Variants in PAK5 observed in about 807,000 individuals in gnomAD.
The protein encoded by PAK5 is serine/threonine-protein kinase PAK 5.
A neutral mutation model predicts 65.9 loss-of-function variants in PAK5; 16 were observed. The observed-to-expected ratio is 0.24, with a 90% CI of 0.16 to 0.37. The LOEUF (loss-of-function observed/expected upper bound fraction) is 0.37. Ranked by LOEUF, PAK5 falls within the 10% of genes least tolerant of loss-of-function variation. The pLI, the probability that PAK5 is intolerant of heterozygous loss-of-function variation, is 1.00. For synonymous variants in PAK5, 371 were observed against 354.9 expected, an observed-to-expected ratio of 1.05 and a Z score of -0.51; for missense variants, 785 against 903.9, an observed-to-expected ratio of 0.87 and a Z score of 1.69.
At chr20:9,687,154 G>GA (rs1370533978) in intron 2 of PAK5, among the ~76,000 whole-genome samples, 1 of 152,104 alleles carries the variant, frequency 6.6e-6, no homozygotes, top group Non-Finnish European at 1.5e-5. Flanking sequence ...GCTCAGGATG[G>GA]AAAAAAGAGG....
At chr20:9,780,602 C>CTATACTCATAGAAATATATATA (rs2035237070) in intron 1 of PAK5, among the ~76,000 whole-genome samples, 3 of 151,820 alleles carry the variant, frequency 2.0e-5, no homozygotes, top group Non-Finnish European at 4.4e-5. Context: ...TGTAAGATTT[C>CTATACTCATAGAAATATATATA]TATACTCATA....
At chr20:9,671,586 G>A (rs1190745249) in intron 2 of PAK5, among the ~76,000 whole-genome samples, 1 of 151,296 alleles carries the variant, frequency 6.6e-6, no homozygotes, top group Non-Finnish European at 1.5e-5. Flanking sequence ...GTCTGTTATT[G>A]GTGTATAAGA....
intron 3 of PAK5, among the ~76,000 whole-genome samples, chr20:9,596,850 C>T (rs559785791): frequency 1.0e-3 from 154 of 152,220 alleles, no homozygotes; most frequent in Admixed American, 1.9e-3. Context: ...GTATTAAACC[C>T]TACTTGGCAC....
intron 3 of PAK5, among the ~76,000 whole-genome samples, chr20:9,639,804 G>C (rs2047028177): frequency 1.3e-5 from 2 of 152,228 alleles, no homozygotes; most frequent in Non-Finnish European, 1.5e-5. Context: ...GATTGTCAGA[G>C]AGGAAAGGAT....
intron 3 of PAK5, among the ~76,000 whole-genome samples, chr20:9,609,240 C>T (rs1226077861): frequency 6.6e-6 from 1 of 152,170 alleles, no homozygotes; most frequent in African/African-American, 2.4e-5. Flanking sequence ...AATTTGCAAG[C>T]TGATGAGTTG....
chr20:9,767,928 A>G (rs1038578827), intron 1 of PAK5, among the ~76,000 whole-genome samples: 1 of 152,204 alleles, frequency 6.6e-6, no homozygotes, highest in Non-Finnish European at 1.5e-5. Flanking sequence ...CAACCATAAA[A>G]AAAGAATGAA....
intron 1 of PAK5, among the ~76,000 whole-genome samples, chr20:9,738,890 A>G (rs941635965): frequency 3.8e-5 from 3 of 79,520 alleles, no homozygotes; most frequent in Non-Finnish European, 8.3e-5. Flanking sequence ...GAGAGTAAAC[A>G]TTCAGTTTTT....
chr20:9,797,019 G>A (rs896550436), intron 1 of PAK5, among the ~76,000 whole-genome samples: 1 of 151,868 alleles, frequency 6.6e-6, no homozygotes, highest in Non-Finnish European at 1.5e-5. Context: ...GTGTAAAAGT[G>A]TTCCTATTTC....
chr20:9,670,705 T>G (rs1421010098), intron 2 of PAK5, among the ~76,000 whole-genome samples: 1 of 152,198 alleles, frequency 6.6e-6, no homozygotes, highest in Non-Finnish European at 1.5e-5. Flanking sequence ...TGCAAAAATT[T>G]TCTCCCATTC....
chr20:9,609,407 C>T, intron 3 of PAK5, among the ~76,000 whole-genome samples: 1 of 152,162 alleles, frequency 6.6e-6, no homozygotes, highest in East Asian at 1.9e-4. Context: ...CATAGGTGCC[C>T]ACATATCCAG....
chr20:9,759,398 G>A (rs765146125), intron 1 of PAK5, among the ~76,000 whole-genome samples: 20 of 152,106 alleles, frequency 1.3e-4, no homozygotes, highest in Non-Finnish European at 2.1e-4. Flanking sequence ...AGATGATCAC[G>A]ATCATCTTTT....
intron 3 of PAK5, among the ~76,000 whole-genome samples, chr20:9,625,279 C>T (rs956418307): frequency 3.9e-5 from 6 of 152,178 alleles, no homozygotes; most frequent in African/African-American, 1.4e-4. Flanking sequence ...ACTCTCTGCC[C>T]GGACACCCTC....
chr20:9,651,594 C>A (rs2047203686), intron 2 of PAK5, among the ~76,000 whole-genome samples: 1 of 152,166 alleles, frequency 6.6e-6, no homozygotes, highest in Admixed American at 6.5e-5. Context: ...TGCTACTGAA[C>A]AGTACAATAA....
At chr20:9,637,914 T>C (rs2047002285) in intron 3 of PAK5, among the ~76,000 whole-genome samples, 2 of 152,228 alleles carry the variant, frequency 1.3e-5, no homozygotes, top group South Asian at 4.1e-4. Flanking sequence ...TTTCAAATGA[T>C]TTCTAGGCTG....
intron 1 of PAK5, among the ~76,000 whole-genome samples, chr20:9,779,142 G>A (rs994431502): frequency 7.9e-5 from 12 of 151,986 alleles, no homozygotes; most frequent in Non-Finnish European, 1.5e-4. Flanking sequence ...TACATTGGCA[G>A]CTATCACTGA....
chr20:9,675,123 C>T (rs2047551798), intron 2 of PAK5, among the ~76,000 whole-genome samples: 1 of 152,108 alleles, frequency 6.6e-6, no homozygotes, highest in African/African-American at 2.4e-5. Flanking sequence ...AAAGGGGTTT[C>T]CTCAGACTGA....
At position 9,565,926 on chromosome 20, in the gene PAK5, C is replaced by G. The variant is rs2122991905; in HGVS notation, c.1449G>C (p.Arg483=). The G allele has an allele frequency of 6.2e-7, 1 of 1,613,526 alleles. No homozygotes were observed. The highest frequency in any genetic ancestry group is 8.5e-7 in the Non-Finnish European group (1 of 1,179,770). ...KQVAVKKMDL[R]KQQRRELLFN... is the part of the protein sequence containing the mutation. ...AAAGCAGTTCTCGTCTCTGTTGCTT[C>G]CGGAGGTCCATTTTCTTCACTGCAA... Residue 483 remains arginine, a synonymous_variant, in exon 5 of 10, where the codon CGG becomes CGC. Coordinates refer to ENST00000353224, the MANE Select transcript of PAK5 (RefSeq NM_177990.4).
intron 2 of PAK5, among the ~76,000 whole-genome samples, chr20:9,657,096 G>A (rs1406126996): frequency 6.6e-6 from 1 of 152,046 alleles, no homozygotes; most frequent in Non-Finnish European, 1.5e-5. Flanking sequence ...GTATAGAACT[G>A]TTCTATCCCC....
At chr20:9,544,262 G>T in intron 8 of PAK5, 107 bp downstream of exon 8, 1 of 1,216,296 alleles carries the variant, frequency 8.2e-7, no homozygotes. Context: ...CAAATGTGGA[G>T]CTAAAAGTCA....
Sources: allele counts gnomAD v4.1 joint callset (sites outside exome capture counted in the v4.1 genomes callset), GRCh38; gene constraint gnomAD v4.1.1; transcripts MANE v1.5; gene names NCBI Gene and HGNC (gene_info 2026-07-23, HGNC 2026-07-21).